The following PGBD2 variants were observed in gnomAD, a reference collection of about 807,000 sequenced individuals.
PGBD2 encodes the protein piggyBac transposable element derived 2.
PGBD2 carries 6 observed loss-of-function variants against 8.1 expected under a neutral mutation model. The observed-to-expected ratio is 0.74, with a 90% confidence interval of 0.40 to 1.46. The LOEUF (loss-of-function observed/expected upper bound fraction) is 1.46. Among genes scored for constraint, PGBD2 ranks in the 40% most tolerant of loss-of-function variants. PGBD2 has a pLI of 0.02. For synonymous variants in PGBD2, 318 were observed against 272.2 expected, an observed-to-expected ratio of 1.17 and a Z score of -1.66; for missense variants, 802 against 739.0, an observed-to-expected ratio of 1.09 and a Z score of -0.99.
At chr1:248,908,003 G>C (rs553848028) in intron 1 of PGBD2, among the ~76,000 whole-genome samples, 1 of 152,210 alleles carries the variant, frequency 6.6e-6, no homozygotes, top group South Asian at 2.1e-4. Flanking sequence ...TCAGAGTGTT[G>C]TGAAACAAGC....
the PGBD2 span, among the ~76,000 whole-genome samples, chr1:248,888,387 T>C: frequency 6.6e-6 from 1 of 152,254 alleles, no homozygotes; most frequent in Non-Finnish European, 1.5e-5. Context: ...TTCCCTTTTC[T>C]CTACAGCCTT....
At chr1:248,874,077 T>G in the PGBD2 span, among the ~76,000 whole-genome samples, 1 of 152,210 alleles carries the variant, frequency 6.6e-6, no homozygotes. Context: ...TCATCTTTGC[T>G]GCCCGGTTTT....
chr1:248,927,918 C>T, the PGBD2 span, among the ~76,000 whole-genome samples: 1 of 152,124 alleles, frequency 6.6e-6, no homozygotes, highest in Non-Finnish European at 1.5e-5. Flanking sequence ...GAACCAAAAC[C>T]AAAGTAATAT....
At chr1:248,926,489 G>A in the PGBD2 span, among the ~76,000 whole-genome samples, 10 of 152,234 alleles carry the variant, frequency 6.6e-5, no homozygotes, top group South Asian at 1.2e-3. Flanking sequence ...TCTCGTCTAC[G>A]TCCTTCACTG....
At chr1:248,929,949 G>C in the PGBD2 span, among the ~76,000 whole-genome samples, 2 of 152,220 alleles carry the variant, frequency 1.3e-5, no homozygotes, top group African/African-American at 2.4e-5. Context: ...GTAGTGCTCA[G>C]AGTGTCCAGA....
At chr1:248,921,411 TG>T (rs1254110599), downstream of PGBD2, among the ~76,000 whole-genome samples, 1 of 152,228 alleles carries the variant, frequency 6.6e-6, no homozygotes, top group Non-Finnish European at 1.5e-5. Context: ...CACCATTGCT[TG>T]TTTTTGTCAG....
the PGBD2 span, among the ~76,000 whole-genome samples, chr1:248,898,127 C>G: frequency 2.6e-5 from 4 of 152,376 alleles, no homozygotes; most frequent in East Asian, 7.7e-4. Context: ...ATGGTCTCTG[C>G]AGTTCAGCCG....
At chr1:248,889,932 T>C in the PGBD2 span, among the ~76,000 whole-genome samples, 5 of 149,834 alleles carry the variant, frequency 3.3e-5, no homozygotes, top group Non-Finnish European at 5.9e-5. Context: ...TCTTTTCTTT[T>C]TTTTTTTTTT....
chr1:248,888,730 C>A, the PGBD2 span, among the ~76,000 whole-genome samples: 2 of 152,166 alleles, frequency 1.3e-5, no homozygotes, highest in African/African-American at 2.4e-5. Flanking sequence ...TGTGCAGAAG[C>A]TCTTTAGTTT....
chr1:248,925,873 G>A, the PGBD2 span, among the ~76,000 whole-genome samples: 1 of 152,092 alleles, frequency 6.6e-6, no homozygotes, highest in Non-Finnish European at 1.5e-5. Context: ...GGTGACTCCT[G>A]TACAGATTTG....
chr1:248,907,610 T>C (rs1461059293), intron 1 of PGBD2, among the ~76,000 whole-genome samples: 5 of 152,292 alleles, frequency 3.3e-5, no homozygotes, highest in East Asian at 1.9e-4. Context: ...TCATGGTGCA[T>C]TGCGCCCCTT....
Position 248,917,647 on chromosome 1 carries a change from A to G in PGBD2, c.1063A>G (p.Thr355Ala), listed in dbSNP as rs1475227160. Reference protein sequence around the residue: ...PYHIFFDKVFTSVKLMSILRK... With the variant: ...PYHIFFDKVFASVKLMSILRK... ...TCACATATTTTTTGACAAGGTTTTC[A>G]CAAGTGTTAAACTGATGTCCATTTT... is the stretch of plus-strand genomic sequence containing the variant. Residue 355 changes from threonine to alanine, a missense_variant, in exon 3 of 3, where the codon ACA (threonine) becomes GCA (alanine). Coordinates refer to ENST00000329291, the MANE Select transcript of PGBD2 (RefSeq NM_170725.3). The G allele has an allele frequency of 4.3e-6, 7 of 1,614,214 alleles. No individual in the cohort carries two copies. Among genetic ancestry groups the G allele is most frequent in the Non-Finnish European group, 5.9e-6 (7 of 1,180,038 alleles).
chr1:248,926,401 C>T, the PGBD2 span, among the ~76,000 whole-genome samples: 1 of 152,124 alleles, frequency 6.6e-6, no homozygotes, highest in Non-Finnish European at 1.5e-5. Context: ...GGCAGTGTCT[C>T]CTTATGGAAA....
the PGBD2 span, among the ~76,000 whole-genome samples, chr1:248,901,139 T>G: frequency 6.6e-6 from 1 of 152,120 alleles, no homozygotes; most frequent in African/African-American, 2.4e-5. Flanking sequence ...ATAGGAAGAA[T>G]CAATATTGTG....
chr1:248,885,710 A>G, the PGBD2 span, among the ~76,000 whole-genome samples: 1 of 152,168 alleles, frequency 6.6e-6, no homozygotes, highest in Non-Finnish European at 1.5e-5. Flanking sequence ...TTCTTTATAT[A>G]TTTGAAGCTG....
the PGBD2 span, among the ~76,000 whole-genome samples, chr1:248,895,352 C>T: frequency 6.6e-6 from 1 of 152,054 alleles, no homozygotes; most frequent in Non-Finnish European, 1.5e-5. Context: ...GCCAGCCCAA[C>T]CTGGCACACA....
chr1:248,873,389 G>C, the PGBD2 span, among the ~76,000 whole-genome samples: 7 of 152,358 alleles, frequency 4.6e-5, no homozygotes, highest in East Asian at 9.6e-4. Flanking sequence ...GGTGGACCTT[G>C]AGGGGAGGGT....
the PGBD2 span, among the ~76,000 whole-genome samples, chr1:248,891,959 G>A: frequency 2.0e-5 from 3 of 152,208 alleles, no homozygotes; most frequent in Non-Finnish European, 4.4e-5. Flanking sequence ...TTGCAGTAAA[G>A]GGTTGATTCA....
chr1:248,875,265 C>T, the PGBD2 span, among the ~76,000 whole-genome samples: 2 of 138,520 alleles, frequency 1.4e-5, no homozygotes, highest in East Asian at 2.1e-4. Context: ...CACTGCACTC[C>T]AGCCTGGGCG....
Sources: gnomAD v4.1 joint callset for allele counts (sites outside exome capture counted in the v4.1 genomes callset) on GRCh38, gnomAD v4.1.1 for gene constraint, MANE v1.5 for transcripts, NCBI Gene and HGNC (gene_info 2026-07-23, HGNC 2026-07-21) for gene names.